The following MROH1 variants were observed in gnomAD, a reference collection of about 807,000 sequenced individuals.
MROH1 encodes the protein maestro heat like repeat family member 1.
MROH1 carries 117 observed loss-of-function variants against 116.5 expected under a neutral mutation model. That is an observed-to-expected ratio of 1.00 (90% confidence interval 0.86 to 1.17). The LOEUF (loss-of-function observed/expected upper bound fraction) is 1.17. MROH1 is among the 50% of genes most tolerant of loss of function. The probability of loss-of-function intolerance (pLI) is 0.00; values close to 1 mark genes in which losing one functional copy is unlikely to be tolerated. For synonymous variants in MROH1, 921 were observed against 583.9 expected (o/e 1.58, Z -8.32); for missense variants, 1,873 against 1,338.5 (o/e 1.40, Z -6.23).
intron 1 of MROH1, among the ~76,000 whole-genome samples, chr8:144,160,693 G>A (rs534019053): frequency 6.7e-6 from 1 of 149,312 alleles, no homozygotes; most frequent in African/African-American, 2.5e-5. Context: ...AGTTCTTGGA[G>A]TCAGAAGTCT....
chr8:144,171,336 C>T (rs1044924241), intron 4 of MROH1, among the ~76,000 whole-genome samples: 11 of 152,162 alleles, frequency 7.2e-5, no homozygotes, highest in African/African-American at 2.4e-4. Flanking sequence ...CAGGCTGTGA[C>T]GAAGGGTGCG....
intron 12 of MROH1, among the ~76,000 whole-genome samples, chr8:144,220,168 G>A (rs1472668202): frequency 6.6e-6 from 1 of 152,200 alleles, no homozygotes; most frequent in Non-Finnish European, 1.5e-5. Context: ...AGCAGCATTA[G>A]CTCACCTTGG....
At chr8:144,230,284 G>A (rs1443115473) in intron 14 of MROH1, among the ~76,000 whole-genome samples, 3 of 152,084 alleles carry the variant, frequency 2.0e-5, no homozygotes, top group Admixed American at 6.6e-5. Context: ...ATGTTTGGCC[G>A]GTCTGATTCC....
At chr8:144,196,819 C>T (rs775613819) in intron 10 of MROH1, among the ~76,000 whole-genome samples, 15 of 150,228 alleles carry the variant, frequency 1.0e-4, no homozygotes, top group East Asian at 2.0e-4. Flanking sequence ...ACATCTAGGC[C>T]GGTGCGGTGG....
intron 33 of MROH1, among the ~76,000 whole-genome samples, chr8:144,253,469 C>G (rs1314010638): frequency 1.3e-5 from 2 of 152,196 alleles, no homozygotes; most frequent in East Asian, 3.9e-4. Flanking sequence ...TCCCTGGGCA[C>G]AGGTTGGCTT....
chr8:144,186,753 TAAG>T (rs1241382958), intron 7 of MROH1, among the ~76,000 whole-genome samples: 1 of 152,156 alleles, frequency 6.6e-6, no homozygotes, highest in African/African-American at 2.4e-5. Flanking sequence ...CTGATCGACA[TAAG>T]AAGGGAAACC....
rs143095023 is a variant in MROH1 at position 144,167,532 on chromosome 8, G to A, written c.23-763G>A. ...TTGTTGGGGTGGAGTGGCCGGTTGTGGGGTGGAGTGGCCAGTTGTTGGGTG... is the reference window on the plus strand; with the variant it reads ...TTGTTGGGGTGGAGTGGCCGGTTGTAGGGTGGAGTGGCCAGTTGTTGGGTG... On this transcript the variant is annotated intron_variant, in intron 3 of 43. Coordinates refer to ENST00000326134, the MANE Select transcript of MROH1 (RefSeq NM_032450.3). Among the ~76,000 whole-genome samples, 532 of 148,800 alleles carry A rather than the reference G, an allele frequency of 3.6e-3. 4 individuals carry two copies. The highest frequency in any genetic ancestry group is 0.011 in the African/African-American group (461 of 40,354).
At position 144,255,602 on chromosome 8, in the gene MROH1, C is replaced by T. The variant is rs998589399; in HGVS notation, c.3688C>T (p.Arg1230Cys). The change falls in exon 35 of 44, where the codon CGC becomes TGC. Residue 1230 changes from arginine to cysteine, a missense_variant. By Grantham distance (180) the Arg-to-Cys change is radical. Transcript: ENST00000326134. ...CCAGCTGTTTGTGGTGCTTCTGCTG[C>T]GCGTCAGCTGCACCGTGGGTGTCCA... The part of the protein sequence containing the change: ...YPQLFVVLLL[R>C]VSCTVGVQLP... 120 of 778,666 alleles carry T rather than the reference C, an allele frequency of 1.5e-4. No individual in the cohort carries two copies. The highest frequency in any genetic ancestry group is 2.4e-4 in the South Asian group (18 of 74,392). 48.2% of individuals were successfully genotyped at this position (778,666 alleles called of 1,614,324 possible).
At chr8:144,238,347 G>A (rs1840396521) in intron 14 of MROH1, among the ~76,000 whole-genome samples, 1 of 152,166 alleles carries the variant, frequency 6.6e-6, no homozygotes, top group African/African-American at 2.4e-5. Context: ...CGCCTTCTGG[G>A]GAGCTGAGCG....
intron 14 of MROH1, among the ~76,000 whole-genome samples, chr8:144,226,079 T>A (rs1232644973): frequency 6.6e-6 from 1 of 151,180 alleles, no homozygotes. Context: ...CACGCCAGGC[T>A]AATTTTTGTA....
chr8:144,149,214 A>G (rs918069996), intron 1 of MROH1, among the ~76,000 whole-genome samples: 1 of 152,152 alleles, frequency 6.6e-6, no homozygotes, highest in African/African-American at 2.4e-5. Context: ...CTGCATGGAC[A>G]GTCTGGGCAC....
chr8:144,161,337 T>C (rs537950864), intron 2 of MROH1, among the ~76,000 whole-genome samples: 1 of 152,312 alleles, frequency 6.6e-6, no homozygotes, highest in Non-Finnish European at 1.5e-5. Flanking sequence ...GGGGCTATTA[T>C]TCTGCTGACC....
intron 12 of MROH1, among the ~76,000 whole-genome samples, chr8:144,202,505 GAA>G (rs1831457229): frequency 7.1e-6 from 1 of 141,086 alleles, no homozygotes; most frequent in African/African-American, 2.6e-5. Flanking sequence ...AGGGAAGGGA[GAA>G]CGGGCTCTCT....
chr8:144,254,961 A>G lies in MROH1; in HGVS notation c.3577A>G (p.Thr1193Ala), dbSNP rs1843434693. ...GGGCCGCACCCCAGACCGCGTGGCC[A>G]CGCTGCTGCCTCTCTCGGTGAGTCG... ...LLGRTPDRVA[T>A]LLPLSATCAL... The change falls in exon 34 of 44, where the codon ACG (threonine) becomes GCG (alanine). Residue 1193 changes from threonine (T) to alanine (A), a missense_variant. Transcript: ENST00000326134. 6.5e-6 allele frequency: 5 copies of G among 768,062 alleles called. No individual in the cohort carries two copies. The highest frequency in any genetic ancestry group is 1.2e-5 in the Non-Finnish European group (5 of 414,406). The allele number at this position is 768,062 out of a possible 1,614,324, so 47.6% of individuals were successfully genotyped here.
intron 2 of MROH1, 93 bp downstream of exon 2, chr8:144,161,182 C>T (rs2130815073): frequency 6.6e-6 from 1 of 152,428 alleles, no homozygotes; most frequent in African/African-American, 2.4e-5. Context: ...TTTAAGGACT[C>T]ATGTGATTAG....
chr8:144,190,621 C>G (rs561134176), intron 7 of MROH1, among the ~76,000 whole-genome samples, 163 bp from the exon 8 acceptor site: 1 of 152,312 alleles, frequency 6.6e-6, no homozygotes, highest in East Asian at 1.9e-4. Flanking sequence ...TGGAGGGACA[C>G]TTTTCATCCT....
At chr8:144,159,529 C>T (rs557463578) in intron 1 of MROH1, among the ~76,000 whole-genome samples, 1 of 152,296 alleles carries the variant, frequency 6.6e-6, no homozygotes, top group African/African-American at 2.4e-5. Context: ...TAATGTGACT[C>T]CAGCTTTCTT....
intron 1 of MROH1, among the ~76,000 whole-genome samples, chr8:144,150,504 G>T (rs1192834936): frequency 6.6e-6 from 1 of 152,226 alleles, no homozygotes; most frequent in Non-Finnish European, 1.5e-5. Flanking sequence ...CCGTTCTTCA[G>T]GTTCTGCTAC....
chr8:144,179,096 A>G (rs773977835), intron 4 of MROH1, among the ~76,000 whole-genome samples: 1 of 152,046 alleles, frequency 6.6e-6, no homozygotes, highest in Non-Finnish European at 1.5e-5. Flanking sequence ...AGCTGGGGAC[A>G]GGAGTGTGCT....
Sources: allele counts gnomAD v4.1 joint callset (sites outside exome capture counted in the v4.1 genomes callset), GRCh38; gene constraint gnomAD v4.1.1; transcripts MANE v1.5; gene names NCBI Gene and HGNC (gene_info 2026-07-23, HGNC 2026-07-21).